The following BIRC6 variants were observed in gnomAD, a reference collection of about 807,000 sequenced individuals.
BIRC6 encodes the protein dual E2 ubiquitin-conjugating enzyme/E3 ubiquitin-protein ligase BIRC6.
In BIRC6, 98 loss-of-function variants were observed where a neutral mutation model predicts 503.3. The observed-to-expected ratio is 0.19, with a 90% confidence interval of 0.17 to 0.23. The LOEUF (loss-of-function observed/expected upper bound fraction) is 0.23. Ranked by LOEUF, BIRC6 falls within the 10% of genes least tolerant of loss-of-function variation. The probability of loss-of-function intolerance (pLI) is 1.00; values close to 1 mark genes in which losing one functional copy is unlikely to be tolerated. For missense variants in BIRC6, 5,360 were observed against 5,806.0 expected (o/e 0.92, Z 2.50); for synonymous variants, 2,240 against 2,078.7 (o/e 1.08, Z -2.11).
At chr2:32,439,271 T>C (rs1289201059) in intron 15 of BIRC6, among the ~76,000 whole-genome samples, 2 of 152,190 alleles carry the variant, frequency 1.3e-5, no homozygotes, top group Non-Finnish European at 2.9e-5. Flanking sequence ...CAAATGTTTA[T>C]CTCAATTAGT....
intron 33 of BIRC6, among the ~76,000 whole-genome samples, chr2:32,474,863 G>GT (rs1319083723): frequency 1.3e-5 from 2 of 152,068 alleles, no homozygotes; most frequent in African/African-American, 2.4e-5. Context: ...TTAGGATAGA[G>GT]TTTTTTTCAT....
rs745992079 is a variant in BIRC6 at position 32,482,536 on chromosome 2, C to T, written c.7650C>T (p.Asn2550=). ...TTCCTGTAGCAAAGCCACCAGCAAACACGGAGAAGAACGGATCACAGACAG... is the reference window on the plus strand; with the variant it reads ...TTCCTGTAGCAAAGCCACCAGCAAATACGGAGAAGAACGGATCACAGACAG... ...LGIPVAKPPA[N]TEKNGSQTVS... The change falls in exon 39 of 74, where the codon AAC becomes AAT. Residue 2550 remains asparagine (N), a synonymous_variant. Coordinates refer to ENST00000421745, the MANE Select transcript of BIRC6 (RefSeq NM_016252.4). 3.7e-6 allele frequency: 6 copies of T among 1,613,788 alleles called. No homozygotes were observed. Among genetic ancestry groups the T allele is most frequent in the Admixed American group, 1.7e-5 (1 of 59,994 alleles).
chr2:32,606,688 T>C (rs566905574), intron 71 of BIRC6, among the ~76,000 whole-genome samples: 2 of 152,212 alleles, frequency 1.3e-5, no homozygotes, highest in African/African-American at 4.8e-5. Context: ...AGGCATAGTT[T>C]TTTTATAAGT....
intron 35 of BIRC6, 42 bp downstream of exon 35, chr2:32,477,625 G>T: frequency 4.0e-6 from 6 of 1,508,680 alleles, no homozygotes; most frequent in South Asian, 2.3e-5. Context: ...TTGGCCGGGC[G>T]CAGTGGCTCA....
chr2:32,444,633 C>G (rs1482353771), intron 20 of BIRC6, among the ~76,000 whole-genome samples: 1 of 152,056 alleles, frequency 6.6e-6, no homozygotes, highest in Non-Finnish European at 1.5e-5. Flanking sequence ...CACTTGTAAT[C>G]CCAGCACTTC....
At chr2:32,364,971 C>G (rs1157919168) in intron 1 of BIRC6, among the ~76,000 whole-genome samples, 1 of 152,132 alleles carries the variant, frequency 6.6e-6, no homozygotes, top group Admixed American at 6.6e-5. Context: ...TTCCTACTCT[C>G]AACTATTCTT....
At chr2:32,563,018 G>T (rs2059302972) in intron 65 of BIRC6, among the ~76,000 whole-genome samples, 1 of 152,172 alleles carries the variant, frequency 6.6e-6, no homozygotes, top group South Asian at 2.1e-4. Context: ...GTCATATAGT[G>T]TCAGTCCTCT....
At chr2:32,591,511 TG>T (rs1573236963) in intron 66 of BIRC6, among the ~76,000 whole-genome samples, 1 of 152,306 alleles carries the variant, frequency 6.6e-6, no homozygotes, top group East Asian at 1.9e-4. Context: ...ATCTACACAC[TG>T]GGGTGGTAAA....
At chr2:32,386,842 A>G (rs990108466) in intron 3 of BIRC6, among the ~76,000 whole-genome samples, 1 of 152,152 alleles carries the variant, frequency 6.6e-6, no homozygotes, top group Non-Finnish European at 1.5e-5. Flanking sequence ...AGGGGCTTAT[A>G]CTTCATGTTT....
intron 23 of BIRC6, among the ~76,000 whole-genome samples, chr2:32,460,998 C>CTCCTCTTCTCTTCTCT (rs1250172530): frequency 1.1e-5 from 1 of 88,688 alleles, no homozygotes; most frequent in African/African-American, 4.3e-5. Flanking sequence ...CTCTGCTCTG[C>CTCCTCTTCTCTTCTCT]TCTCTTCTCT....
At chr2:32,535,838 G>A (rs1032250264) in intron 61 of BIRC6, among the ~76,000 whole-genome samples, 1 of 152,186 alleles carries the variant, frequency 6.6e-6, no homozygotes, top group Non-Finnish European at 1.5e-5. Flanking sequence ...GGATGGCTGG[G>A]TCGAATGGTA....
chr2:32,548,002 C>G lies in BIRC6; in HGVS notation c.12963C>G (p.Thr4321=). 1 of 1,599,610 alleles carries G rather than the reference C, an allele frequency of 6.3e-7. No individual in the cohort carries two copies. Among genetic ancestry groups the G allele is most frequent in the Non-Finnish European group, 8.5e-7 (1 of 1,175,832 alleles). ...AAAGGCTGGAAGAGGAACATGTTACCTGCCTTCTGCAGGTATATTTGTAAA... is the reference window on the plus strand; with the variant it reads ...AAAGGCTGGAAGAGGAACATGTTACGTGCCTTCTGCAGGTATATTTGTAAA... ...TKQRLEEEHV[T]CLLQVLASYI... The change falls in exon 64 of 74, where the codon ACC becomes ACG. Residue 4321 remains threonine, a synonymous_variant. Transcript: ENST00000421745.
intron 57 of BIRC6, 65 bp downstream of exon 57, chr2:32,519,011 T>C: frequency 6.9e-7 from 1 of 1,448,200 alleles, no homozygotes; most frequent in East Asian, 2.4e-5. Flanking sequence ...AGGTTTATTG[T>C]TTTTATAACT....
At chr2:32,521,393 A>AAAT (rs2055667204) in intron 57 of BIRC6, among the ~76,000 whole-genome samples, 1 of 141,244 alleles carries the variant, frequency 7.1e-6, no homozygotes, top group African/African-American at 2.6e-5. Flanking sequence ...AAAAAAAAAA[A>AAAT]GCAAAGACAA....
chr2:32,394,393 G>A (rs2039608711), intron 5 of BIRC6, among the ~76,000 whole-genome samples: 1 of 151,920 alleles, frequency 6.6e-6, no homozygotes, highest in African/African-American at 2.4e-5. Flanking sequence ...TATATAAATT[G>A]TGCCTGGCCC....
intron 1 of BIRC6, among the ~76,000 whole-genome samples, chr2:32,371,849 A>C (rs2036012185): frequency 6.6e-6 from 1 of 152,106 alleles, no homozygotes; most frequent in Admixed American, 6.6e-5. Context: ...TCCGTCACCC[A>C]GGCTAGAGTG....
intron 10 of BIRC6, among the ~76,000 whole-genome samples, chr2:32,427,321 C>T (rs2043622068): frequency 6.6e-6 from 1 of 151,578 alleles, no homozygotes; most frequent in South Asian, 2.1e-4. Context: ...TTGCTCTTGT[C>T]GCCCAGGCTG....
In BIRC6 at chr2:32,357,235, C is replaced by T; in HGVS notation, c.74C>T (p.Ala25Val). 6.5e-7 allele frequency: 1 copy of T among 1,527,892 alleles called. No homozygotes were observed. The allele number at this position is 1,527,892 out of a possible 1,614,324, so 94.6% of individuals were successfully genotyped here. The part of the protein sequence containing the change: ...EPLPSVIVLS[A>V]GRKMAAAAAA... ...CTTCCCAGTGTGATTGTGCTGAGCG[C>T]AGGCCGGAAGATGGCGGCTGCGGCT... Residue 25 changes from alanine (A) to valine (V), a missense_variant, in exon 1 of 74, where the codon GCA becomes GTA. Transcript: ENST00000421745. This position sits in a 1 kb window ranked among gnomAD's most constrained non-coding sequence, Gnocchi z 4.9.
At chr2:32,551,850 A>G (rs943735267) in intron 65 of BIRC6, among the ~76,000 whole-genome samples, 2 of 152,176 alleles carry the variant, frequency 1.3e-5, no homozygotes, top group Admixed American at 1.3e-4. Context: ...TGATATTTTT[A>G]CAGAATGTAA....
Sources: allele counts gnomAD v4.1 joint callset (sites outside exome capture counted in the v4.1 genomes callset), GRCh38; gene constraint gnomAD v4.1.1; non-coding constraint Gnocchi (gnomAD v3.1); transcripts MANE v1.5; gene names NCBI Gene and HGNC (gene_info 2026-07-23, HGNC 2026-07-21).